The following ZMAT1 variants were observed in gnomAD, a reference collection of about 807,000 sequenced individuals.
ZMAT1 encodes zinc finger matrin-type 1.
In ZMAT1, 11 loss-of-function variants were observed where a neutral mutation model predicts 18.5. The observed-to-expected ratio is 0.59, with a 90% CI of 0.37 to 0.98. The LOEUF is 0.98. ZMAT1 is among the 50% of genes least tolerant of loss of function. The pLI is 0.01. For synonymous variants in ZMAT1, 211 were observed against 176.4 expected (o/e 1.20, Z -1.55); for missense variants, 525 against 496.2 (o/e 1.06, Z -0.55).
At chrX:101,890,317 A>G (rs1927287440) in intron 4 of ZMAT1, 2 of 112,179 alleles carry the variant, frequency 1.8e-5, no homozygotes, top group Middle Eastern at 4.6e-3. Context: ...AATTGTATCA[A>G]TTGTCAATGA....
Position 101,884,711 on chromosome X carries a change from T to G in ZMAT1, c.887A>C (p.Lys296Thr), listed in dbSNP as rs2147565702. The change falls in exon 6 of 6, where the codon AAG (lysine) becomes ACG (threonine). Residue 296 changes from lysine to threonine, a missense_variant. By Grantham distance (78) the Lys-to-Thr change is moderately conservative (BLOSUM62 -1). Transcript: ENST00000651725. ...CTCTTCCATCTTTCTGAAACAAGTC[T>G]TGGCCTCTAGTCCTCTGGCTTTCTG... Reference protein sequence around the residue: ...NVQKARGLEAKTCFRKMEESS... With the variant: ...NVQKARGLEATTCFRKMEESS... 2 of 1,209,044 alleles carry G rather than the reference T, an allele frequency of 1.7e-6. No individual in the cohort carries two copies. Among genetic ancestry groups the G allele is most frequent in the Non-Finnish European group, 2.2e-6 (2 of 894,570 alleles).
intron 2 of ZMAT1, 47 bp from the exon 3 acceptor site, chrX:101,898,267 T>C (rs766676141): frequency 4.6e-6 from 5 of 1,095,917 alleles, no homozygotes; most frequent in Non-Finnish European, 6.2e-6. Context: ...AAAAGAGTCA[T>C]TCAAAATTTA....
intron 1 of ZMAT1, among the ~76,000 whole-genome samples, chrX:101,913,345 A>G (rs956149760): frequency 2.7e-5 from 3 of 111,670 alleles, no homozygotes; most frequent in Non-Finnish European, 3.8e-5. Context: ...CTTATCAATA[A>G]TAATACTGAA....
At chrX:101,922,379 C>G (rs186878461) in intron 1 of ZMAT1, among the ~76,000 whole-genome samples, 23 of 109,355 alleles carry the variant, frequency 2.1e-4, no homozygotes, top group Middle Eastern at 4.7e-3. Context: ...TGAGCTCACT[C>G]TTAGAAAGGC....
chrX:101,905,144 A>G (rs1928522915), intron 1 of ZMAT1, among the ~76,000 whole-genome samples: 1 of 112,295 alleles, frequency 8.9e-6, no homozygotes, highest in South Asian at 3.7e-4. Flanking sequence ...AATGTTATCT[A>G]GAAATCACAA....
At position 101,897,933 on chromosome X, in the gene ZMAT1, T is replaced by C; in HGVS notation, c.611A>G (p.Lys204Arg). The C allele has an allele frequency of 8.3e-7, 1 of 1,211,583 alleles. No homozygotes were observed. Among genetic ancestry groups the C allele is most frequent in the South Asian group, 1.8e-5 (1 of 56,931 alleles). ...QSHYVGKVHA[K>R]KLKQLMEEHD... ...TTCCTCCATTAATTGCTTCAGTTTT[T>C]TAGCATGGACCTTTCCCACATAGTG... The change falls in exon 4 of 6, where the codon AAA (lysine) becomes AGA (arginine). Residue 204 changes from lysine to arginine, a missense_variant. Transcript: ENST00000651725.
Position 101,884,260 on chromosome X carries a change from A to AT in ZMAT1, c.1337dup (p.Tyr446Ter). Residue 446 changes from tyrosine (Y) to a stop codon, truncating the protein, a stop_gained and frameshift_variant, in exon 6 of 6, where the codon TAT becomes TAAT. Transcript: ENST00000651725. LOFTEE classifies it low-confidence loss of function (END_TRUNC). ...QWLPTHSKRT[Y>*]DSFQDELEDY... Reference sequence around the variant, plus strand: ...CTTCAAGTTCATCTTGGAAAGAATCATATGTCCTCTTTGAATGGGTTGGTA... The same window carrying AT: ...CTTCAAGTTCATCTTGGAAAGAATCATTATGTCCTCTTTGAATGGGTTGGTA... The AT allele has an allele frequency of 8.3e-7, 1 of 1,209,808 alleles. No homozygotes were observed. The highest frequency in any genetic ancestry group is 1.1e-6 in the Non-Finnish European group (1 of 894,703).
rs1927507709 is a variant in ZMAT1, at chrX:101,892,720, T to C, written c.676+5148A>G. On this transcript the variant is annotated intron_variant, in intron 4 of 5. Transcript: ENST00000651725. ...ACATACATACTTTAGTTCCATATCG[T>C]TATGGTAGCCATTCCTGTGCTAATA... 6 of 749,502 alleles carry C rather than the reference T, an allele frequency of 8.0e-6. No individual in the cohort carries two copies. The South Asian group carries it at 4.1e-4, about 51-fold the overall frequency. The allele number at this position is 749,502 out of a possible 1,213,427, so 61.8% of individuals were successfully genotyped here. A position where few individuals can be genotyped will look rare whatever the true frequency, so the allele number is the denominator to read the frequency against.
intron 4 of ZMAT1, among the ~76,000 whole-genome samples, chrX:101,890,813 AAG>A (rs1927330132): frequency 9.0e-6 from 1 of 111,330 alleles, no homozygotes; most frequent in Non-Finnish European, 1.9e-5. Context: ...AAGAGTTGAG[AAG>A]AGTGTTTTAG....
chrX:101,917,032 C>A (rs1016015781), intron 1 of ZMAT1, among the ~76,000 whole-genome samples: 4 of 111,802 alleles, frequency 3.6e-5, no homozygotes, highest in Non-Finnish European at 3.8e-5. Flanking sequence ...ATACAAAATT[C>A]AAATCAAAAT....
chrX:101,893,852 G>C (rs1392618644), intron 4 of ZMAT1, among the ~76,000 whole-genome samples: 1 of 111,455 alleles, frequency 9.0e-6, no homozygotes, highest in Non-Finnish European at 1.9e-5. Context: ...ACAAAAAACA[G>C]GGTAATAGTT....
intron 1 of ZMAT1, among the ~76,000 whole-genome samples, chrX:101,916,390 A>C (rs1017655859): frequency 1.6e-4 from 18 of 111,915 alleles, no homozygotes; most frequent in African/African-American, 5.5e-4. Context: ...GTATTCTGGA[A>C]TTTAAAGTAA....
chrX:101,892,120 T>C (rs1927455544), intron 4 of ZMAT1, among the ~76,000 whole-genome samples: 1 of 110,677 alleles, frequency 9.0e-6, no homozygotes, highest in African/African-American at 3.3e-5. Flanking sequence ...GGTTTAAAAT[T>C]GTCGCTAAGG....
At chrX:101,889,986 C>T (rs890826929) in intron 4 of ZMAT1, 5 of 112,122 alleles carry the variant, frequency 4.5e-5, no homozygotes, top group Non-Finnish European at 9.4e-5. Flanking sequence ...CAGGACAAAA[C>T]ATTTTTACAA....
chrX:101,882,377 A>G lies in ZMAT1; in HGVS notation c.*1133T>C, dbSNP rs897706497. The stretch of plus-strand genomic sequence containing the variant: ...TTTTGAGACCGTTTTAAAACTATAT[A>G]TCATCTAAGTTTATTATAGACTGTT... On this transcript the variant is annotated 3_prime_UTR_variant, in exon 6 of 6. Coordinates refer to ENST00000651725, the MANE Select transcript of ZMAT1 (RefSeq NM_001394560.1). 8.9e-6 allele frequency: 1 copy of G among 112,217 alleles called. No individual in the cohort carries two copies. Among genetic ancestry groups the G allele is most frequent in the South Asian group, 3.7e-4 (1 of 2,734 alleles). The allele number at this position is 112,217 out of a possible 1,213,427, so 9.2% of individuals were successfully genotyped here.
chrX:101,921,220 A>G (rs935602530), intron 1 of ZMAT1, among the ~76,000 whole-genome samples: 3 of 111,290 alleles, frequency 2.7e-5, no homozygotes, highest in Non-Finnish European at 5.6e-5. Flanking sequence ...TCACCAATTA[A>G]AACATACCAG....
chrX:101,923,025 C>A (rs1192331820), intron 1 of ZMAT1, among the ~76,000 whole-genome samples: 1 of 111,419 alleles, frequency 9.0e-6, no homozygotes, highest in Non-Finnish European at 1.9e-5. Flanking sequence ...TCACTACCTG[C>A]CAGGAATAAA....
chrX:101,929,020 C>A (rs1930242901), intron 1 of ZMAT1, among the ~76,000 whole-genome samples: 1 of 110,631 alleles, frequency 9.0e-6, no homozygotes, highest in African/African-American at 3.3e-5. Context: ...GATGGCATTT[C>A]TTTTCTTTCT....
intron 1 of ZMAT1, among the ~76,000 whole-genome samples, chrX:101,916,429 T>C (rs1055803825): frequency 9.0e-6 from 1 of 111,730 alleles, no homozygotes; most frequent in Non-Finnish European, 1.9e-5. Context: ...AATAATCCAA[T>C]TTACAATAGT....
Sources: gnomAD v4.1 joint callset for allele counts (sites outside exome capture counted in the v4.1 genomes callset) on GRCh38, gnomAD v4.1.1 for gene constraint, MANE v1.5 for transcripts, NCBI Gene and HGNC (gene_info 2026-07-23, HGNC 2026-07-21) for gene names.